PLA2G4A: variants seen among roughly 807,000 people sequenced by gnomAD.
PLA2G4A encodes the protein phospholipase A2 group IVA.
Under a neutral mutation model 81.9 loss-of-function variants are expected in PLA2G4A, and 40 were observed. The observed-to-expected ratio is 0.49, with a 90% CI of 0.38 to 0.64. PLA2G4A has a LOEUF of 0.64. Among genes scored for constraint, PLA2G4A ranks in the 30% least tolerant of loss-of-function variants. PLA2G4A has a pLI of 0.00. For missense variants in PLA2G4A, 715 were observed against 905.1 expected, an observed-to-expected ratio of 0.79 and a Z score of 2.69; for synonymous variants, 302 against 296.9, an observed-to-expected ratio of 1.02 and a Z score of -0.18.
chr1:186,957,667 G>A (rs1023558184), intron 14 of PLA2G4A, among the ~76,000 whole-genome samples: 6 of 152,200 alleles, frequency 3.9e-5, no homozygotes, highest in African/African-American at 9.7e-5. Context: ...TTCTCAGAAA[G>A]GTTAGGTAAC....
intron 1 of PLA2G4A, among the ~76,000 whole-genome samples, chr1:186,831,232 A>T (rs1458409668): frequency 2.0e-5 from 3 of 152,108 alleles, no homozygotes; most frequent in Non-Finnish European, 4.4e-5. Flanking sequence ...AGTATTTCTT[A>T]AAACTTTGGA....
chr1:186,965,520 C>T lies in PLA2G4A; in HGVS notation c.1691C>T (p.Pro564Leu). Reference sequence around the variant, plus strand: ...CTGCCGTATCCCTTGATACTGAGACCTCAGAGAGGGGTTGATCTCATAATC... The same window carrying T: ...CTGCCGTATCCCTTGATACTGAGACTTCAGAGAGGGGTTGATCTCATAATC... ...FNLPYPLILRPQRGVDLIISF... is the reference protein window; with the variant it reads ...FNLPYPLILRLQRGVDLIISF... Residue 564 changes from proline to leucine, a missense_variant, in exon 15 of 18, where the codon CCT (proline) becomes CTT (leucine). Physicochemically the swap from Pro to Leu is moderately conservative, Grantham distance 98. Coordinates refer to ENST00000367466, the MANE Select transcript of PLA2G4A (RefSeq NM_024420.3). The T allele has an allele frequency of 1.9e-6, 3 of 1,612,864 alleles. No individual in the cohort carries two copies. Among genetic ancestry groups the T allele is most frequent in the South Asian group, 1.1e-5 (1 of 91,068 alleles).
Position 186,939,638 on chromosome 1 carries a change from A to T in PLA2G4A, c.919-342A>T, listed in dbSNP as rs537757556. 1.8e-4 allele frequency among the ~76,000 whole-genome samples: 28 copies of T among 152,296 alleles called. No homozygotes were observed. The South Asian group carries it at 5.4e-3, about 29-fold the overall frequency. The stretch of plus-strand genomic sequence containing the variant: ...GGATCGCATAGAACAGACTCGCTTG[A>T]TGCATGATTGCATTGATGTTTCGTT... On this transcript the variant is annotated intron_variant, in intron 9 of 17. Coordinates refer to ENST00000367466, the MANE Select transcript of PLA2G4A (RefSeq NM_024420.3).
intron 1 of PLA2G4A, among the ~76,000 whole-genome samples, chr1:186,829,483 G>T (rs1651473534): frequency 6.6e-6 from 1 of 152,040 alleles, no homozygotes; most frequent in African/African-American, 2.4e-5. Context: ...TCTAAAAATT[G>T]GTCATTTTTG....
chr1:186,985,836 G>A (rs1657875827), intron 17 of PLA2G4A, among the ~76,000 whole-genome samples: 1 of 152,092 alleles, frequency 6.6e-6, no homozygotes, highest in South Asian at 2.1e-4. Flanking sequence ...TTTCAGGGAA[G>A]AATGAAAGAG....
In PLA2G4A at chr1:186,946,895, T is replaced by C. The variant is rs992279714; in HGVS notation, c.1198T>C (p.Leu400=). The change falls in exon 12 of 18, where the codon TTG becomes CTG. Residue 400 remains leucine, a synonymous_variant. Coordinates refer to ENST00000367466, the MANE Select transcript of PLA2G4A (RefSeq NM_024420.3). The stretch of plus-strand genomic sequence containing the variant: ...TGTCTGGGGCAGTGCCTTTTCCATA[T>C]TGTTCAACAGAGTTTTGGGCGTTTC... The part of the protein sequence containing the change: ...MGVWGSAFSI[L]FNRVLGVSGS... 1.2e-6 allele frequency: 2 copies of C among 1,612,506 alleles called. No individual in the cohort carries two copies. The highest frequency in any genetic ancestry group is 1.7e-6 in the Non-Finnish European group (2 of 1,178,780).
intron 1 of PLA2G4A, among the ~76,000 whole-genome samples, chr1:186,830,113 A>G (rs962731703): frequency 2.0e-5 from 3 of 152,200 alleles, no homozygotes; most frequent in Admixed American, 6.5e-5. Context: ...CTTGCCAATC[A>G]AGTTAGAGGT....
At chr1:186,841,429 T>TG (rs567268347) in intron 1 of PLA2G4A, among the ~76,000 whole-genome samples, 3 of 152,116 alleles carry the variant, frequency 2.0e-5, no homozygotes, top group East Asian at 1.9e-4. Flanking sequence ...CCAGTGCATG[T>TG]GGGGGGCAGG....
At chr1:186,986,734 A>G (rs934811108) in intron 17 of PLA2G4A, among the ~76,000 whole-genome samples, 2 of 152,168 alleles carry the variant, frequency 1.3e-5, no homozygotes, top group Non-Finnish European at 2.9e-5. Flanking sequence ...TCCCCACAAA[A>G]CCCCAAATTA....
intron 3 of PLA2G4A, among the ~76,000 whole-genome samples, chr1:186,888,958 A>G (rs981637209): frequency 6.6e-6 from 1 of 152,120 alleles, no homozygotes; most frequent in Non-Finnish European, 1.5e-5. Context: ...TTTCCTTAAA[A>G]TTACATATTT....
intron 1 of PLA2G4A, among the ~76,000 whole-genome samples, chr1:186,833,089 C>G (rs78099806): frequency 0.11 from 16,994 of 152,098 alleles, 1,860 homozygotes; most frequent in African/African-American, 0.29. Flanking sequence ...ATTGTTAGGA[C>G]TAAGGGTGGC....
intron 5 of PLA2G4A, among the ~76,000 whole-genome samples, chr1:186,905,800 T>C (rs1558422326): frequency 1.3e-5 from 2 of 152,168 alleles, no homozygotes; most frequent in African/African-American, 4.8e-5. Context: ...TAGGAACCTA[T>C]ATAAGACAGA....
chr1:186,952,931 T>A (rs949369615), intron 13 of PLA2G4A, among the ~76,000 whole-genome samples: 26 of 152,196 alleles, frequency 1.7e-4, no homozygotes, highest in Admixed American at 1.5e-3. Flanking sequence ...GTGCCACAGT[T>A]TAGTTATTCA....
At chr1:186,865,725 A>G (rs1264190535) in intron 2 of PLA2G4A, among the ~76,000 whole-genome samples, 3 of 152,186 alleles carry the variant, frequency 2.0e-5, no homozygotes, top group African/African-American at 7.2e-5. Context: ...TTGTCTTATA[A>G]CAGTAGAGTT....
chr1:186,850,184 A>G (rs975139396), intron 1 of PLA2G4A, among the ~76,000 whole-genome samples: 3 of 152,164 alleles, frequency 2.0e-5, no homozygotes, highest in Non-Finnish European at 4.4e-5. Context: ...AAAGTATCAC[A>G]TGAAACTTAC....
At chr1:186,928,786 T>C (rs562110550) in intron 7 of PLA2G4A, among the ~76,000 whole-genome samples, 2 of 152,306 alleles carry the variant, frequency 1.3e-5, no homozygotes, top group South Asian at 4.1e-4. Context: ...ACCAGGATAA[T>C]TAAATCAAAA....
In PLA2G4A at chr1:186,979,424, C is replaced by T; in HGVS notation, c.2070C>T (p.Phe690=). 1.2e-6 allele frequency: 2 copies of T among 1,601,900 alleles called. No individual in the cohort carries two copies. Among genetic ancestry groups the T allele is most frequent in the Non-Finnish European group, 1.7e-6 (2 of 1,168,824 alleles). ...ATTTTCAATATCCAAATCAAGCATT[C>T]AAAAGACTACATGATCTTATGCACT... ...TFNFQYPNQA[F]KRLHDLMHFN... Residue 690 remains phenylalanine, a synonymous_variant, in exon 17 of 18, where the codon TTC becomes TTT. Transcript: ENST00000367466.
intron 3 of PLA2G4A, among the ~76,000 whole-genome samples, chr1:186,887,451 G>A (rs1215430075): frequency 6.6e-6 from 1 of 152,120 alleles, no homozygotes; most frequent in African/African-American, 2.4e-5. Context: ...CCACCCTGAA[G>A]CTATTTCTGG....
At chr1:186,860,164 G>A (rs898236392) in intron 2 of PLA2G4A, among the ~76,000 whole-genome samples, 2 of 152,072 alleles carry the variant, frequency 1.3e-5, no homozygotes, top group South Asian at 2.1e-4. Flanking sequence ...AATTTATTAA[G>A]TATGTGGTAT....
Sources: gnomAD v4.1 joint callset for allele counts (sites outside exome capture counted in the v4.1 genomes callset) on GRCh38, gnomAD v4.1.1 for gene constraint, MANE v1.5 for transcripts, NCBI Gene and HGNC (gene_info 2026-07-23, HGNC 2026-07-21) for gene names.